The following PAG1 variants were observed in gnomAD, a reference collection of about 807,000 sequenced individuals.
PAG1 encodes the protein phosphoprotein membrane anchor with glycosphingolipid microdomains 1, also known as phosphoprotein associated with glycosphingolipid-enriched microdomains 1.
Under a neutral mutation model 31.7 loss-of-function variants are expected in PAG1, and 23 were observed. That is an observed-to-expected ratio of 0.73 (90% CI 0.52 to 1.03). The LOEUF (loss-of-function observed/expected upper bound fraction) is 1.03, where lower values mean the gene tolerates loss of function less well. Ranked by LOEUF, PAG1 falls within the 50% of genes least tolerant of loss-of-function variation. PAG1 has a pLI of 0.00. For missense variants in PAG1, 473 were observed against 540.7 expected, an observed-to-expected ratio of 0.87 and a Z score of 1.24; for synonymous variants, 214 against 210.3, an observed-to-expected ratio of 1.02 and a Z score of -0.15.
intron 2 of PAG1, among the ~76,000 whole-genome samples, chr8:81,044,173 A>G (rs1300392246): frequency 6.6e-6 from 1 of 152,210 alleles, no homozygotes; most frequent in Non-Finnish European, 1.5e-5. Context: ...GGGGGCAGTA[A>G]TGGGTTGAAT....
chr8:81,041,609 G>C (rs746689712), intron 2 of PAG1, among the ~76,000 whole-genome samples: 4 of 152,164 alleles, frequency 2.6e-5, no homozygotes, highest in Admixed American at 2.0e-4. Flanking sequence ...CTTTTAAAAA[G>C]TAAACATATC....
At chr8:80,984,329 T>TA (rs1275645434) in intron 7 of PAG1, among the ~76,000 whole-genome samples, 1 of 152,164 alleles carries the variant, frequency 6.6e-6, no homozygotes, top group African/African-American at 2.4e-5. Context: ...CAATCAGATA[T>TA]AACCAGGGGC....
intron 3 of PAG1, among the ~76,000 whole-genome samples, chr8:81,016,836 A>C (rs1361214532): frequency 6.6e-6 from 1 of 152,146 alleles, no homozygotes; most frequent in East Asian, 1.9e-4. Context: ...CCATTCTCAC[A>C]CCAGGCCTAA....
rs1315929675 is a variant in PAG1, at chr8:80,973,698, A to C, written c.*2846T>G. The C allele has an allele frequency of 6.6e-6, 1 of 152,266 alleles. No homozygotes were observed. Among genetic ancestry groups the C allele is most frequent in the African/African-American group, 2.4e-5 (1 of 41,470 alleles). The allele number at this position is 152,266 out of a possible 1,614,324, so 9.4% of individuals were successfully genotyped here. ...TAAACTGTAGCATTAGCTCAAGATG[A>C]AACTTTTTAAAAGAAACCATAGGCT... On this transcript the variant is annotated 3_prime_UTR_variant, in exon 9 of 9. Transcript: ENST00000220597.
chr8:81,038,937 G>A (rs1808507576), intron 2 of PAG1, among the ~76,000 whole-genome samples: 1 of 152,168 alleles, frequency 6.6e-6, no homozygotes, highest in East Asian at 1.9e-4. Context: ...AGATAGTCAA[G>A]GAGATTCACT....
intron 1 of PAG1, among the ~76,000 whole-genome samples, chr8:81,100,760 A>AGG (rs1809597886): frequency 6.6e-6 from 1 of 152,248 alleles, no homozygotes; most frequent in African/African-American, 2.4e-5. Context: ...GGCATATTAC[A>AGG]GGGAGAGAAA....
chr8:80,987,573 A>C (rs1036198375), intron 5 of PAG1, 107 bp from the exon 6 acceptor site: 1 of 708,914 alleles, frequency 1.4e-6, no homozygotes, highest in African/African-American at 1.8e-5. Flanking sequence ...AAAACAGCAG[A>C]AACAGAAAAC....
rs550416806 is a variant in PAG1, at chr8:81,027,822, G to A, written c.-81+2174C>T. Among the ~76,000 whole-genome samples the A allele has an allele frequency of 1.7e-4, 26 of 150,584 alleles. No individual in the cohort carries two copies. The East Asian group carries it at 3.1e-3, about 18-fold the overall frequency. On this transcript the variant is annotated intron_variant, in intron 3 of 8. Transcript: ENST00000220597. ...CGGCAGGCTGAGGCAGGAGAATGGC[G>A]TGAACATGGGAGGCGGAGCTTGCAG...
chr8:81,063,284 C>T (rs968579573), intron 2 of PAG1, among the ~76,000 whole-genome samples: 20 of 152,102 alleles, frequency 1.3e-4, no homozygotes, highest in African/African-American at 4.8e-4. Context: ...GGTTTTTATT[C>T]CTAAAGTGGC....
chr8:81,018,189 C>T (rs1333271777), intron 3 of PAG1, among the ~76,000 whole-genome samples: 1 of 152,052 alleles, frequency 6.6e-6, no homozygotes. Flanking sequence ...ACTTTATTGG[C>T]CTAAATTAAA....
At chr8:81,102,255 A>G (rs564287369) in intron 1 of PAG1, among the ~76,000 whole-genome samples, 2 of 152,298 alleles carry the variant, frequency 1.3e-5, no homozygotes, top group Admixed American at 6.5e-5. Context: ...TAAGGCTACT[A>G]CAATGCACCA....
rs59594526 is a variant in PAG1 at position 81,007,394 on chromosome 8, A to T, written c.-80-14087T>A. Among the ~76,000 whole-genome samples, 876 of 151,346 alleles carry T rather than the reference A, an allele frequency of 5.8e-3. 1 individual carries two copies. The highest frequency in any genetic ancestry group is 0.02 in the African/African-American group (803 of 41,146). ...TTTGGGAGGCTGAGGTGTGTGGATTACCTGAGGTCAGGGGTTCGAGACCAG... is the reference window on the plus strand; with the variant it reads ...TTTGGGAGGCTGAGGTGTGTGGATTTCCTGAGGTCAGGGGTTCGAGACCAG... On this transcript the variant is annotated intron_variant, in intron 3 of 8. Coordinates refer to ENST00000220597, the MANE Select transcript of PAG1 (RefSeq NM_018440.4).
At chr8:80,991,582 A>T (rs1486407253) in intron 4 of PAG1, 52 bp from the exon 5 acceptor site, 1 of 1,191,904 alleles carries the variant, frequency 8.4e-7, no homozygotes, top group East Asian at 2.3e-5. Context: ...CTTAAAATCA[A>T]GCGCACACTA....
chr8:80,987,433 T>C lies in PAG1; in HGVS notation c.211A>G (p.Thr71Ala), dbSNP rs1179324865. ...GCAGGAGCATCTGTTGCCAGGCTAG[T>C]AACTGAACGGCTGAACATCTCCTTG... is the stretch of plus-strand genomic sequence containing the variant. ...SDKEMFSRSV[T>A]SLATDAPASS... is the part of the protein sequence containing the mutation. Residue 71 changes from threonine to alanine, a missense_variant, in exon 6 of 9, where the codon ACT (threonine) becomes GCT (alanine). Coordinates refer to ENST00000220597, the MANE Select transcript of PAG1 (RefSeq NM_018440.4). 1.9e-6 allele frequency: 3 copies of C among 1,614,006 alleles called. No individual in the cohort carries two copies. The highest frequency in any genetic ancestry group is 1.1e-5 in the South Asian group (1 of 91,078).
intron 1 of PAG1, among the ~76,000 whole-genome samples, chr8:81,090,506 A>G (rs1035484449): frequency 6.6e-6 from 1 of 152,262 alleles, no homozygotes; most frequent in Admixed American, 6.5e-5. Flanking sequence ...TCGGCCTTCA[A>G]GAAGCTCATA....
chr8:81,099,648 T>C (rs1169283807), intron 1 of PAG1, among the ~76,000 whole-genome samples: 1 of 152,170 alleles, frequency 6.6e-6, no homozygotes, highest in East Asian at 1.9e-4. Flanking sequence ...AAGGCAAATA[T>C]ATAAGGACAG....
intron 1 of PAG1, among the ~76,000 whole-genome samples, chr8:81,101,759 G>A (rs1468583927): frequency 4.6e-5 from 7 of 151,944 alleles, no homozygotes; most frequent in Non-Finnish European, 8.8e-5. Context: ...AGCTCTAACT[G>A]TACACATAAT....
chr8:81,083,356 T>C (rs962812253), intron 1 of PAG1, among the ~76,000 whole-genome samples: 2 of 152,168 alleles, frequency 1.3e-5, no homozygotes, highest in Non-Finnish European at 1.5e-5. Context: ...AGGTTCCGCA[T>C]ATGGTTTCTA....
At chr8:80,983,269 G>A (rs748136887) in intron 7 of PAG1, among the ~76,000 whole-genome samples, 2 of 152,100 alleles carry the variant, frequency 1.3e-5, no homozygotes, top group Admixed American at 6.5e-5. Flanking sequence ...TAACTCAAAC[G>A]TCACCTTCAT....
Sources: allele counts gnomAD v4.1 joint callset (sites outside exome capture counted in the v4.1 genomes callset), GRCh38; gene constraint gnomAD v4.1.1; transcripts MANE v1.5; gene names NCBI Gene and HGNC (gene_info 2026-07-23, HGNC 2026-07-21).